The following RUBCN variants were observed in gnomAD, a reference collection of about 807,000 sequenced individuals.
RUBCN encodes the protein rubicon autophagy regulator.
RUBCN carries 74 observed loss-of-function variants against 113.2 expected under a neutral mutation model. The observed-to-expected ratio is 0.65, with a 90% CI of 0.54 to 0.79. The LOEUF (loss-of-function observed/expected upper bound fraction) is 0.79, where lower values mean the gene tolerates loss of function less well. RUBCN is among the 30% of genes least tolerant of loss of function. The probability of loss-of-function intolerance (pLI) is 0.00; values close to 1 mark genes in which losing one functional copy is unlikely to be tolerated. For synonymous variants in RUBCN, 480 were observed against 490.0 expected, an observed-to-expected ratio of 0.98 and a Z score of 0.27; for missense variants, 1,109 against 1,251.7, an observed-to-expected ratio of 0.89 and a Z score of 1.72.
chr3:197,717,259 C>G (rs895998504), intron 2 of RUBCN, among the ~76,000 whole-genome samples: 1 of 151,864 alleles, frequency 6.6e-6, no homozygotes, highest in East Asian at 1.9e-4. Context: ...CTGGCTAACA[C>G]GGTGAAACCC....
chr3:197,737,299 C>T (rs73210133), upstream of RUBCN: 6,240 of 151,478 alleles, frequency 0.041, 247 homozygotes, highest in African/African-American at 0.11. Context: ...CCCGCCCTGG[C>T]TTAATGTCCG....
chr3:197,739,666 T>G (rs1214574201), upstream of RUBCN, among the ~76,000 whole-genome samples: 3 of 152,072 alleles, frequency 2.0e-5, no homozygotes, highest in Admixed American at 2.0e-4. Flanking sequence ...GCCACTGCAC[T>G]CCAGCCTGGA....
intron 1 of RUBCN, among the ~76,000 whole-genome samples, chr3:197,720,856 T>C (rs1726077701): frequency 6.6e-6 from 1 of 152,220 alleles, no homozygotes; most frequent in African/African-American, 2.4e-5. Context: ...ACAGTAGTTC[T>C]ATTTTTAACT....
intron 17 of RUBCN, 73 bp from the exon 18 acceptor site, chr3:197,677,111 T>C: frequency 6.7e-7 from 1 of 1,492,894 alleles, no homozygotes; most frequent in Non-Finnish European, 9.3e-7. Context: ...AGGATCCCTA[T>C]CCAGAAACTG....
At position 197,736,876 on chromosome 3, in the gene RUBCN, G is replaced by T. The variant is rs1728204410; in HGVS notation, c.-157C>A. On this transcript the variant is annotated 5_prime_UTR_variant, in exon 1 of 20. Coordinates refer to ENST00000296343, the MANE Select transcript of RUBCN (RefSeq NM_014687.4). ...GGCGGCGACAGCGGGAGGGACCGCC[G>T]CCTGGGCTGCGGCTTCTATCCCGGC... is the stretch of plus-strand genomic sequence containing the variant. 3.6e-6 allele frequency: 5 copies of T among 1,373,798 alleles called. No homozygotes were observed. The highest frequency in any genetic ancestry group is 3.7e-5 in the Admixed American group (1 of 27,234). 85.1% of individuals were successfully genotyped at this position (1,373,798 alleles called of 1,614,324 possible). A position where few individuals can be genotyped will look rare whatever the true frequency, so the allele number is the denominator to read the frequency against.
intron 5 of RUBCN, 23 bp downstream of exon 5, chr3:197,703,525 G>C (rs1231699244): frequency 6.5e-7 from 1 of 1,535,252 alleles, no homozygotes; most frequent in African/African-American, 1.4e-5. Context: ...GCATAGACGT[G>C]GATAATTCCT....
At chr3:197,725,720 A>G (rs1726666764) in intron 1 of RUBCN, among the ~76,000 whole-genome samples, 1 of 152,092 alleles carries the variant, frequency 6.6e-6, no homozygotes. Flanking sequence ...ATGCTTTGTA[A>G]TTCGACACCT....
chr3:197,696,005 A>T, intron 8 of RUBCN, 24 bp from the exon 9 acceptor site: 1 of 1,605,546 alleles, frequency 6.2e-7, no homozygotes, highest in Non-Finnish European at 8.5e-7. Flanking sequence ...AATGTGGATG[A>T]AACAGCCAGG....
At chr3:197,679,472 T>C (rs1437428267) in intron 16 of RUBCN, among the ~76,000 whole-genome samples, 1 of 150,004 alleles carries the variant, frequency 6.7e-6, no homozygotes, top group African/African-American at 2.5e-5. Context: ...GGCTCCAGAC[T>C]GTCCTACGCT....
intron 11 of RUBCN, among the ~76,000 whole-genome samples, chr3:197,685,199 G>A (rs1292341051): frequency 6.6e-6 from 1 of 152,154 alleles, no homozygotes; most frequent in Admixed American, 6.5e-5. Flanking sequence ...TACTTTTGAT[G>A]GGGGGGATGT....
Position 197,693,718 on chromosome 3 carries a change from G to A in RUBCN, c.1783C>T (p.Gln595Ter). Residue 595 changes from glutamine (Q) to a stop codon, truncating the protein, a stop_gained, in exon 11 of 20, where the codon CAA becomes TAA. Transcript: ENST00000296343. LOFTEE classifies it high-confidence loss of function. ...SADEVDEFEI[Q>*]DADIRRNTAS... ...GTAACAAAGTGTCACTTCTTACCTTGGATTTCAAATTCATCAACCTCATCA... is the reference window on the plus strand; with the variant it reads ...GTAACAAAGTGTCACTTCTTACCTTAGATTTCAAATTCATCAACCTCATCA... The A allele has an allele frequency of 6.2e-7, 1 of 1,605,060 alleles. No individual in the cohort carries two copies. The highest frequency in any genetic ancestry group is 8.5e-7 in the Non-Finnish European group (1 of 1,171,670).
Position 197,674,955 on chromosome 3 carries a change from A to C in RUBCN, c.*63T>G. On this transcript the variant is annotated 3_prime_UTR_variant, in exon 20 of 20. Transcript: ENST00000296343. ...AGCCCCAGGTGGGGCGAGTCCTTCA[A>C]AGAGTGGCTCAGTTCTGCAACAGGT... 1 of 1,529,326 alleles carries C rather than the reference A, an allele frequency of 6.5e-7. No individual in the cohort carries two copies. Among genetic ancestry groups the C allele is most frequent in the Non-Finnish European group, 8.9e-7 (1 of 1,127,044 alleles). The allele number at this position is 1,529,326 out of a possible 1,614,324, so 94.7% of individuals were successfully genotyped here. A position where few individuals can be genotyped will look rare whatever the true frequency, so the allele number is the denominator to read the frequency against.
chr3:197,693,346 ACT>A (rs900694416), intron 11 of RUBCN, among the ~76,000 whole-genome samples: 28 of 152,246 alleles, frequency 1.8e-4, no homozygotes, highest in African/African-American at 5.8e-4. Flanking sequence ...TCTTTTGAAC[ACT>A]CTGAAACAAT....
Position 197,736,730 on chromosome 3 carries a change from G to A in RUBCN, c.-11C>T, listed in dbSNP as rs1004700218. 4.6e-6 allele frequency: 7 copies of A among 1,527,870 alleles called. No homozygotes were observed. The highest frequency in any genetic ancestry group is 2.8e-5 in the African/African-American group (2 of 71,700). The allele number at this position is 1,527,870 out of a possible 1,614,324, so 94.6% of individuals were successfully genotyped here. On this transcript the variant is annotated 5_prime_UTR_variant, in exon 1 of 20. Coordinates refer to ENST00000296343, the MANE Select transcript of RUBCN (RefSeq NM_014687.4). ...GCCCTCCGGCCGCATCCGGGGCGGT[G>A]AGGCCGCCTCTTCGCCCAAGAGAGG...
chr3:197,729,722 T>C (rs1335544256), intron 1 of RUBCN, among the ~76,000 whole-genome samples: 1 of 152,072 alleles, frequency 6.6e-6, no homozygotes, highest in East Asian at 1.9e-4. Flanking sequence ...CACATCTGGC[T>C]AATTTTTTGT....
intron 1 of RUBCN, chr3:197,749,216 C>A: frequency 8.3e-6 from 8 of 967,702 alleles, no homozygotes; most frequent in Non-Finnish European, 1.0e-5. Context: ...TCTATCCATT[C>A]CCAATGCAAA....
chr3:197,727,987 C>T lies in RUBCN; in HGVS notation c.65+8668G>A, dbSNP rs11916116. On this transcript the variant is annotated intron_variant, in intron 1 of 19. Transcript: ENST00000296343. ...AAGGTAAAAGGCACGCTGGGCACAG[C>T]GGTACATGCCTGTAGTCCCAGCTCC... Among the ~76,000 whole-genome samples the T allele has an allele frequency of 1.8e-3, 226 of 128,640 alleles. 1 individual carries two copies. The highest frequency in any genetic ancestry group is 4.1e-3 in the Middle Eastern group (1 of 246). The allele number at this position is 128,640 out of a possible 152,430, so 84.4% of individuals were successfully genotyped here. A position where few individuals can be genotyped will look rare whatever the true frequency, so the allele number is the denominator to read the frequency against.
intron 11 of RUBCN, among the ~76,000 whole-genome samples, chr3:197,684,626 A>G (rs1170195945): frequency 6.6e-6 from 1 of 151,880 alleles, no homozygotes; most frequent in Non-Finnish European, 1.5e-5. Context: ...AAGCTCCCTT[A>G]GGCAGTAACT....
intron 18 of RUBCN, 112 bp downstream of exon 18, chr3:197,676,773 G>A (rs540456171): frequency 1.9e-6 from 3 of 1,588,660 alleles, no homozygotes; most frequent in Non-Finnish European, 2.6e-6. Context: ...TCCCAGTGCT[G>A]ACTGGCCATT....
Sources: gnomAD v4.1 joint callset for allele counts (sites outside exome capture counted in the v4.1 genomes callset) on GRCh38, gnomAD v4.1.1 for gene constraint, MANE v1.5 for transcripts, NCBI Gene and HGNC (gene_info 2026-07-23, HGNC 2026-07-21) for gene names.